The following FBXW8 variants were observed in gnomAD, a reference collection of about 807,000 sequenced individuals.
FBXW8 encodes F-box/WD repeat-containing protein 8.
In FBXW8, 57 loss-of-function variants were observed where a neutral mutation model predicts 65.3. The ratio of observed to expected loss-of-function variants is 0.87; its 90% confidence interval spans 0.71 to 1.09. The LOEUF is 1.09. FBXW8 is among the 50% of genes least tolerant of loss of function. FBXW8 has a pLI of 0.00. For missense variants in FBXW8, 777 were observed against 814.8 expected (o/e 0.95, Z 0.57); for synonymous variants, 308 against 330.2 (o/e 0.93, Z 0.73).
intron 1 of FBXW8, among the ~76,000 whole-genome samples, chr12:116,917,356 A>G (rs755485360): frequency 2.0e-5 from 3 of 152,178 alleles, no homozygotes; most frequent in Admixed American, 6.5e-5. Context: ...GTGGCTCCTG[A>G]AAGGAAGAGT....
intron 2 of FBXW8, among the ~76,000 whole-genome samples, chr12:116,940,076 C>T (rs1407153649): frequency 6.6e-6 from 1 of 152,174 alleles, no homozygotes; most frequent in Admixed American, 6.5e-5. Flanking sequence ...GCTTGTTTTC[C>T]TGAGCCCTTA....
chr12:116,969,841 T>C (rs1042730097), intron 5 of FBXW8, among the ~76,000 whole-genome samples: 1 of 147,636 alleles, frequency 6.8e-6, no homozygotes, highest in East Asian at 1.9e-4. Context: ...GGTGTTGAGA[T>C]TTGGCAAGGT....
At chr12:116,966,485 C>T (rs771499237) in intron 5 of FBXW8, among the ~76,000 whole-genome samples, 3 of 152,080 alleles carry the variant, frequency 2.0e-5, no homozygotes, top group South Asian at 2.1e-4. Context: ...TCTCCAGGGC[C>T]GTGCTGCGGT....
In FBXW8 at chr12:116,964,715, G is replaced by A; in HGVS notation, c.696G>A (p.Val232=). ...CTTCCAGATATACATCAGGGGATGT[G>A]AGAGTGTGGGACACCCGCACCTGGG... is the stretch of plus-strand genomic sequence containing the variant. ...VVIAGYTSGD[V]RVWDTRTWDY... is the part of the protein sequence containing the mutation. The change falls in exon 5 of 11, where the codon GTG becomes GTA. Residue 232 remains valine, a synonymous_variant. Transcript: ENST00000652555. 1 of 1,613,774 alleles carries A rather than the reference G, an allele frequency of 6.2e-7. No individual in the cohort carries two copies. Among genetic ancestry groups the A allele is most frequent in the Non-Finnish European group, 8.5e-7 (1 of 1,179,992 alleles).
chr12:116,980,228 GC>G (rs1401452919), intron 5 of FBXW8: 1 of 152,262 alleles, frequency 6.6e-6, no homozygotes, highest in African/African-American at 2.4e-5. Context: ...GATCTGTGGT[GC>G]ACACAAGTTA....
intron 6 of FBXW8, 91 bp from the exon 7 acceptor site, chr12:116,988,572 T>C (rs1953154947): frequency 1.8e-6 from 2 of 1,116,546 alleles, no homozygotes; most frequent in East Asian, 2.4e-5. Flanking sequence ...GTTGGGTTGC[T>C]GGTCTTCTCA....
chr12:116,991,533 C>G lies in FBXW8; in HGVS notation c.1239+2664C>G, dbSNP rs1182570607. Among the ~76,000 whole-genome samples the G allele has an allele frequency of 2.0e-5, 3 of 152,328 alleles. No homozygotes were observed. In the East Asian group the frequency reaches 5.8e-4, roughly 29 times the overall value. ...GCTTGCGAATACCATGCTTGAACAT[C>G]TCTGTGCTTCAGCCTGGTGGCAGCG... On this transcript the variant is annotated intron_variant, in intron 7 of 10. Coordinates refer to ENST00000652555, the MANE Select transcript of FBXW8 (RefSeq NM_153348.3).
At chr12:117,020,180 GC>G (rs1158996019) in intron 8 of FBXW8, among the ~76,000 whole-genome samples, 1 of 152,242 alleles carries the variant, frequency 6.6e-6, no homozygotes, top group Admixed American at 6.5e-5. Flanking sequence ...CAGTTGAAGA[GC>G]TAGTTAATCG....
At chr12:116,917,614 G>A (rs957163113) in intron 1 of FBXW8, among the ~76,000 whole-genome samples, 1 of 152,208 alleles carries the variant, frequency 6.6e-6, no homozygotes, top group Non-Finnish European at 1.5e-5. Flanking sequence ...GTTGCCTTTG[G>A]ATGGGTAGGT....
At chr12:116,992,796 G>GTGTGTGTA (rs1409788511) in intron 7 of FBXW8, among the ~76,000 whole-genome samples, 3 of 151,092 alleles carry the variant, frequency 2.0e-5, no homozygotes, top group East Asian at 3.9e-4. Flanking sequence ...GTGTGTGTGT[G>GTGTGTGTA]TATCACATTT....
intron 7 of FBXW8, among the ~76,000 whole-genome samples, chr12:117,007,001 C>A (rs1953692537): frequency 1.3e-5 from 2 of 152,070 alleles, no homozygotes; most frequent in Non-Finnish European, 2.9e-5. Context: ...TGTGTATACA[C>A]ACAGAGGCAG....
Position 116,945,531 on chromosome 12 carries a change from G to A in FBXW8, c.588+3G>A. 6.2e-7 allele frequency: 1 copy of A among 1,613,076 alleles called. No homozygotes were observed. The highest frequency in any genetic ancestry group is 8.5e-7 in the Non-Finnish European group (1 of 1,179,478). On this transcript the variant is annotated splice_donor_region_variant and intron_variant, in intron 3 of 10. Transcript: ENST00000652555. ...ACATGTTACGAACCAACTGGAAGGTGGGCAGTGGCCAATATCATTACCTGT... is the reference window on the plus strand; with the variant it reads ...ACATGTTACGAACCAACTGGAAGGTAGGCAGTGGCCAATATCATTACCTGT...
chr12:116,982,353 G>T (rs1885360576), intron 5 of FBXW8, among the ~76,000 whole-genome samples: 1 of 152,142 alleles, frequency 6.6e-6, no homozygotes, highest in South Asian at 2.1e-4. Flanking sequence ...CATGCAAAGT[G>T]GATTTCAAAG....
At chr12:116,989,862 T>C (rs532957433) in intron 7 of FBXW8, among the ~76,000 whole-genome samples, 14 of 152,288 alleles carry the variant, frequency 9.2e-5, no homozygotes, top group Non-Finnish European at 1.9e-4. Context: ...ATTTGTAAAA[T>C]AGAGTTCATA....
intron 3 of FBXW8, 28 bp from the exon 4 acceptor site, chr12:116,949,590 A>G: frequency 2.5e-6 from 4 of 1,610,902 alleles, no homozygotes; most frequent in Non-Finnish European, 2.5e-6. Flanking sequence ...AGAGCAGTCT[A>G]AACTGCATCC....
At chr12:116,971,874 C>A (rs1368037226) in intron 5 of FBXW8, among the ~76,000 whole-genome samples, 1 of 152,164 alleles carries the variant, frequency 6.6e-6, no homozygotes, top group African/African-American at 2.4e-5. Flanking sequence ...TTGTTTTTCA[C>A]ACCAAGTGGC....
chr12:116,969,142 C>T (rs1884500439), intron 5 of FBXW8, among the ~76,000 whole-genome samples: 1 of 152,126 alleles, frequency 6.6e-6, no homozygotes, highest in Non-Finnish European at 1.5e-5. Context: ...GGTTTCACGT[C>T]ATGGTTGGGA....
At chr12:117,005,139 T>G (rs1953644858) in intron 7 of FBXW8, among the ~76,000 whole-genome samples, 1 of 152,120 alleles carries the variant, frequency 6.6e-6, no homozygotes. Flanking sequence ...CATCTTCTGT[T>G]TTGGGTAGGA....
intron 8 of FBXW8, among the ~76,000 whole-genome samples, chr12:117,016,238 C>T (rs1953943552): frequency 6.6e-6 from 1 of 152,178 alleles, no homozygotes; most frequent in South Asian, 2.1e-4. Flanking sequence ...TGAGGAATTG[C>T]CAGACTCTTC....
Sources: allele counts gnomAD v4.1 joint callset (sites outside exome capture counted in the v4.1 genomes callset), GRCh38; gene constraint gnomAD v4.1.1; transcripts MANE v1.5; gene names NCBI Gene and HGNC (gene_info 2026-07-23, HGNC 2026-07-21).